Variants in DST observed in about 807,000 individuals in gnomAD.
DST encodes bullous pemphigoid antigen.
A neutral mutation model predicts 875.2 loss-of-function variants in DST; 253 were observed. The observed-to-expected ratio is 0.29, with a 90% confidence interval of 0.26 to 0.32. The LOEUF (loss-of-function observed/expected upper bound fraction) is 0.32, where lower values mean the gene tolerates loss of function less well. Ranked by LOEUF, DST falls within the 10% of genes least tolerant of loss-of-function variation. The pLI is 1.00. For missense variants in DST, 8,287 were observed against 9,111.6 expected (o/e 0.91, Z 3.68); for synonymous variants, 3,124 against 3,197.1 (o/e 0.98, Z 0.77).
intron 2 of DST, among the ~76,000 whole-genome samples, chr6:56,924,287 G>A (rs1805852882): frequency 6.6e-6 from 1 of 152,180 alleles, no homozygotes; most frequent in Non-Finnish European, 1.5e-5. Flanking sequence ...TGAACGCAGA[G>A]TTGGAACGAT....
At position 56,547,768 on chromosome 6, in the gene DST, G is replaced by T. The variant is rs149853959; in HGVS notation, c.16608+4416C>A. ...GTCTTCCTTAGCCTCATGCTACTTG[G>T]CATTTTGGTTTACCGAATATTAAAA... is the stretch of plus-strand genomic sequence containing the variant. On this transcript the variant is annotated intron_variant, in intron 61 of 103. Coordinates refer to ENST00000680361, the MANE Select transcript of DST (RefSeq NM_001374736.1). Among the ~76,000 whole-genome samples, 25 of 152,200 alleles carry T rather than the reference G, an allele frequency of 1.6e-4. No homozygotes were observed. The East Asian group carries it at 3.7e-3, about 22-fold the overall frequency.
At chr6:56,777,420 T>G (rs1167212645) in intron 4 of DST, among the ~76,000 whole-genome samples, 2 of 152,040 alleles carry the variant, frequency 1.3e-5, no homozygotes, top group African/African-American at 4.8e-5. Context: ...AGTCCCATAA[T>G]TGAAGACTTA....
chr6:56,610,401 C>T (rs2098534901), intron 39 of DST, 26 bp downstream of exon 39: 1 of 1,510,162 alleles, frequency 6.6e-7, no homozygotes, highest in Non-Finnish European at 8.9e-7. Context: ...CTTGAAACAG[C>T]CTCATGTTTA....
intron 4 of DST, among the ~76,000 whole-genome samples, chr6:56,750,474 T>C (rs1230409614): frequency 1.3e-5 from 2 of 152,182 alleles, no homozygotes; most frequent in Non-Finnish European, 2.9e-5. Flanking sequence ...AAAAATAATA[T>C]ACGCTTCTTT....
intron 72 of DST, among the ~76,000 whole-genome samples, chr6:56,514,578 TACACACACACAC>T (rs766261479): frequency 6.9e-6 from 1 of 145,028 alleles, no homozygotes; most frequent in Non-Finnish European, 1.5e-5. Flanking sequence ...CACAGGCGTA[TACACACACACAC>T]ACACACACAC....
intron 10 of DST, among the ~76,000 whole-genome samples, chr6:56,657,787 C>T (rs1032858114): frequency 1.3e-5 from 2 of 152,060 alleles, no homozygotes; most frequent in African/African-American, 2.4e-5. Context: ...TTTTTTGAGA[C>T]AAGAGTCTCA....
intron 61 of DST, among the ~76,000 whole-genome samples, chr6:56,551,476 T>A (rs1449567122): frequency 3.3e-5 from 5 of 152,216 alleles, no homozygotes; most frequent in Admixed American, 6.5e-5. Context: ...CAGATGTGAC[T>A]TCTGTTCTCA....
At position 56,916,819 on chromosome 6, in the gene DST, C is replaced by CAG. The variant is rs1428037850; in HGVS notation, c.217-16199_217-16198insCT. 3.7e-3 allele frequency among the ~76,000 whole-genome samples: 554 copies of CAG among 148,366 alleles called. 10 individuals are homozygous for CAG. The highest frequency in any genetic ancestry group is 0.011 in the Admixed American group (163 of 14,784). ...ACACACACACACACACACACACACA[C>CAG]ACACAGAGAGACAGAGAGAGAAAAG... On this transcript the variant is annotated intron_variant, in intron 2 of 103. Coordinates refer to ENST00000680361, the MANE Select transcript of DST (RefSeq NM_001374736.1).
At chr6:56,620,337 C>T in intron 36 of DST, 1 of 1,614,168 alleles carries the variant, frequency 6.2e-7, no homozygotes, top group East Asian at 2.2e-5. Flanking sequence ...AGGAGGTTCT[C>T]TTCCACGGCA....
Position 56,464,612 on chromosome 6 carries a change from TG to T in DST, c.22759+72del. ...ATGAAGCATGTTATTTTAAAACAAA[TG>T]ACTGAAGCAAGAATGGAAAAGTAGG... On this transcript the variant is annotated intron_variant, in intron 100 of 103. Coordinates refer to ENST00000680361, the MANE Select transcript of DST (RefSeq NM_001374736.1). 3.6e-6 allele frequency: 4 copies of T among 1,109,038 alleles called. No individual in the cohort carries two copies. The Middle Eastern group carries it at 5.9e-4, about 163-fold the overall frequency. The allele number at this position is 1,109,038 out of a possible 1,614,324, so 68.7% of individuals were successfully genotyped here. A position where few individuals can be genotyped will look rare whatever the true frequency, so the allele number is the denominator to read the frequency against.
intron 2 of DST, among the ~76,000 whole-genome samples, chr6:56,935,975 T>G (rs932727005): frequency 6.6e-6 from 1 of 151,996 alleles, no homozygotes; most frequent in Admixed American, 6.6e-5. Flanking sequence ...ACCAAAAAAA[T>G]AAGAAAAGAA....
intron 4 of DST, among the ~76,000 whole-genome samples, chr6:56,749,992 A>C (rs1264596060): frequency 6.6e-6 from 1 of 152,182 alleles, no homozygotes; most frequent in Non-Finnish European, 1.5e-5. Flanking sequence ...CCATCCCAGA[A>C]GGGCTCTGCC....
intron 4 of DST, among the ~76,000 whole-genome samples, chr6:56,759,156 T>C (rs1197340657): frequency 6.6e-6 from 1 of 152,100 alleles, no homozygotes; most frequent in Admixed American, 6.5e-5. Context: ...CCCCAATATT[T>C]AAAAATAAAT....
intron 2 of DST, among the ~76,000 whole-genome samples, chr6:56,949,200 G>C (rs547663224): frequency 6.6e-6 from 1 of 152,208 alleles, no homozygotes; most frequent in East Asian, 1.9e-4. Context: ...TTCTAATCTA[G>C]ATGAATTTAA....
chr6:56,692,785 C>G, intron 9 of DST: 1 of 1,289,846 alleles, frequency 7.8e-7, no homozygotes, highest in Non-Finnish European at 1.0e-6. Flanking sequence ...AGTGTTCACA[C>G]AGTCAGACCA....
chr6:56,951,757 AAAATTC>A (rs1822448856), intron 2 of DST, among the ~76,000 whole-genome samples: 1 of 152,206 alleles, frequency 6.6e-6, no homozygotes. Context: ...TTTTCAGAAA[AAAATTC>A]AAACCGAATC....
chr6:56,764,099 A>G (rs1223772816), intron 4 of DST, among the ~76,000 whole-genome samples: 2 of 140,596 alleles, frequency 1.4e-5, no homozygotes, highest in African/African-American at 5.4e-5. Context: ...GTGCACATGC[A>G]CACACACACA....
chr6:56,589,131 T>G, intron 49 of DST, among the ~76,000 whole-genome samples: 1 of 152,224 alleles, frequency 6.6e-6, no homozygotes, highest in East Asian at 1.9e-4. Flanking sequence ...AAACTCAGCA[T>G]ACAAACATTT....
At chr6:56,890,318 T>TATG (rs888521333) in intron 3 of DST, among the ~76,000 whole-genome samples, 1 of 152,190 alleles carries the variant, frequency 6.6e-6, no homozygotes, top group African/African-American at 2.4e-5. Context: ...CAAGAGTTCT[T>TATG]ATGATGATGA....
Sources: gnomAD v4.1 joint callset for allele counts (sites outside exome capture counted in the v4.1 genomes callset) on GRCh38, gnomAD v4.1.1 for gene constraint, MANE v1.5 for transcripts, NCBI Gene and HGNC (gene_info 2026-07-23, HGNC 2026-07-21) for gene names.